Variants in MYT1L observed in about 807,000 individuals in gnomAD.
The protein encoded by MYT1L is myelin transcription factor 1-like protein.
In MYT1L, 12 loss-of-function variants were observed where a neutral mutation model predicts 126.7. That is an observed-to-expected ratio of 0.09 (90% CI 0.06 to 0.15). The LOEUF is 0.15. Among genes scored for constraint, MYT1L ranks in the 10% least tolerant of loss-of-function variants. The pLI is 1.00. For missense variants in MYT1L, 979 were observed against 1,585.2 expected (o/e 0.62, Z 6.49); for synonymous variants, 541 against 604.2 (o/e 0.90, Z 1.53).
chr2:2,235,594 G>C (rs2094276375), intron 2 of MYT1L, among the ~76,000 whole-genome samples: 1 of 152,082 alleles, frequency 6.6e-6, no homozygotes. Context: ...TGTATTTCTT[G>C]GTTCCTCTGG....
At chr2:2,295,579 GAGAGAC>G (rs1250981820) in intron 1 of MYT1L, among the ~76,000 whole-genome samples, 22 of 131,358 alleles carry the variant, frequency 1.7e-4, no homozygotes, top group South Asian at 8.9e-4. Flanking sequence ...GAGAGAGAGA[GAGAGAC>G]AGACAGACAG....
intron 2 of MYT1L, among the ~76,000 whole-genome samples, chr2:2,190,323 C>T (rs939280464): frequency 2.0e-5 from 3 of 151,884 alleles, no homozygotes; most frequent in African/African-American, 7.3e-5. Context: ...CAGGCAGTGG[C>T]ACACGCCTGT....
intron 3 of MYT1L, among the ~76,000 whole-genome samples, chr2:2,162,350 G>GA (rs1254582034): frequency 1.3e-5 from 2 of 151,596 alleles, no homozygotes; most frequent in Non-Finnish European, 2.9e-5. Flanking sequence ...GGTCCACAGA[G>GA]AAAAGGGATC....
intron 1 of MYT1L, among the ~76,000 whole-genome samples, chr2:2,304,998 T>C (rs1006434598): frequency 2.0e-5 from 3 of 152,234 alleles, no homozygotes; most frequent in African/African-American, 7.2e-5. Flanking sequence ...CATAGAAGTA[T>C]AAGATATCTC....
At chr2:2,295,769 GAGAGAGAGAT>G (rs2095681370) in intron 1 of MYT1L, among the ~76,000 whole-genome samples, 2 of 141,576 alleles carry the variant, frequency 1.4e-5, no homozygotes, top group Non-Finnish European at 3.1e-5. Flanking sequence ...CAGACAGACA[GAGAGAGAGAT>G]AGAGAGACAG....
At chr2:1,859,928 A>T (rs561830788) in intron 18 of MYT1L, among the ~76,000 whole-genome samples, 1 of 152,296 alleles carries the variant, frequency 6.6e-6, no homozygotes, top group East Asian at 1.9e-4. Flanking sequence ...TTTTCTGGGG[A>T]TTCTCTCGCT....
intron 1 of MYT1L, among the ~76,000 whole-genome samples, chr2:2,323,617 GAC>G (rs1216014388): frequency 6.6e-6 from 1 of 152,172 alleles, no homozygotes; most frequent in Non-Finnish European, 1.5e-5. Flanking sequence ...TGTCACTGAT[GAC>G]AATAGAAAAT....
rs567971209 is a variant in MYT1L at position 2,136,657 on chromosome 2, T to C, written c.-304+36215A>G. On this transcript the variant is annotated intron_variant, in intron 3 of 24. Coordinates refer to ENST00000647738, the MANE Select transcript of MYT1L (RefSeq NM_001303052.2). ...CTTCAATTTTAGTAAATCCATATTA[T>C]TCTTACTGTTTAGATTTTCTTTCTT... is the stretch of plus-strand genomic sequence containing the variant. Among the ~76,000 whole-genome samples the C allele has an allele frequency of 1.7e-4, 26 of 152,316 alleles. No homozygotes were observed. The South Asian group carries it at 5.4e-3, about 32-fold the overall frequency.
rs145401987 is a variant in MYT1L, at chr2:1,842,887, C to A, written c.2775-2044G>T. On this transcript the variant is annotated intron_variant, in intron 19 of 24. Coordinates refer to ENST00000647738, the MANE Select transcript of MYT1L (RefSeq NM_001303052.2). ...GTCCAGCTTCCGCTTCCAGGCGCTT[C>A]CGCTTCCAGGCGCTTCCGCTTCCAG... 367 of 168,090 alleles carry A rather than the reference C, an allele frequency of 2.2e-3. 11 individuals are homozygous for A. The East Asian group carries it at 0.059, about 27-fold the overall frequency. 10.4% of individuals were successfully genotyped at this position (168,090 alleles called of 1,614,324 possible). A position where few individuals can be genotyped will look rare whatever the true frequency, so the allele number is the denominator to read the frequency against.
intron 3 of MYT1L, among the ~76,000 whole-genome samples, chr2:2,157,376 T>C (rs1034241947): frequency 6.6e-6 from 1 of 152,254 alleles, no homozygotes; most frequent in Non-Finnish European, 1.5e-5. Context: ...AATATGTCCA[T>C]GGACTAGACT....
chr2:2,086,456 A>G (rs1467605188), intron 3 of MYT1L, among the ~76,000 whole-genome samples: 2 of 152,242 alleles, frequency 1.3e-5, no homozygotes, highest in Non-Finnish European at 2.9e-5. Flanking sequence ...AAAAATAGGC[A>G]GTTAATCTCG....
In MYT1L at chr2:2,228,348, A is replaced by G. The variant is rs751546861; in HGVS notation, c.-420-55360T>C. On this transcript the variant is annotated intron_variant, in intron 2 of 24. Coordinates refer to ENST00000647738, the MANE Select transcript of MYT1L (RefSeq NM_001303052.2). This position sits in a 1 kb window ranked among gnomAD's most constrained non-coding sequence, Gnocchi z 5.9. ...TAAAAACCTGTGCAACAGGATTATA[A>G]TAATAATTTAGCTAGCCACATGGTT... Among the ~76,000 whole-genome samples, 78 of 152,224 alleles carry G rather than the reference A, an allele frequency of 5.1e-4. 1 individual carries two copies. Among genetic ancestry groups the G allele is most frequent in the Non-Finnish European group, 1.3e-4 (9 of 68,034 alleles).
At chr2:1,951,245 T>C (rs10190598) in intron 8 of MYT1L, among the ~76,000 whole-genome samples, 45,952 of 151,592 alleles carry the variant, frequency 0.3, 7,590 homozygotes, top group African/African-American at 0.45. Flanking sequence ...GTTGTAGACA[T>C]GGTGGGGAAA....
rs1321851352 is a variant in MYT1L, at chr2:1,793,674, C to T, written c.3277-1210G>A. ...CCAGGATGAAGTGGGGAGGGCCGGC[C>T]TTCTCCTTGGAAGGAATCGCAGCCC... On this transcript the variant is annotated intron_variant, in intron 23 of 24. Coordinates refer to ENST00000647738, the MANE Select transcript of MYT1L (RefSeq NM_001303052.2). The surrounding 1 kb of genome is among the most constrained non-coding windows in gnomAD (Gnocchi z 4.6). 1.8e-4 allele frequency among the ~76,000 whole-genome samples: 27 copies of T among 152,196 alleles called. No homozygotes were observed. The highest frequency in any genetic ancestry group is 1.4e-3 in the Admixed American group (22 of 15,288).
intron 18 of MYT1L, among the ~76,000 whole-genome samples, chr2:1,876,744 G>A (rs554186113): frequency 1.2e-3 from 184 of 152,312 alleles, no homozygotes; most frequent in South Asian, 2.3e-3. Flanking sequence ...GAGAAGCAAC[G>A]TCTCACTCAG....
chr2:1,834,183 G>A (rs1490774840), intron 21 of MYT1L, among the ~76,000 whole-genome samples: 1 of 152,220 alleles, frequency 6.6e-6, no homozygotes, highest in Non-Finnish European at 1.5e-5. Flanking sequence ...TGCTTTGTTT[G>A]CGCAGTGGGT....
At chr2:2,154,681 G>T (rs2086426627) in intron 3 of MYT1L, among the ~76,000 whole-genome samples, 1 of 152,198 alleles carries the variant, frequency 6.6e-6, no homozygotes, top group South Asian at 2.1e-4. Flanking sequence ...CTTCTTGAGG[G>T]TAGAGAGTGA....
At chr2:2,011,892 C>T (rs1195037645) in intron 4 of MYT1L, among the ~76,000 whole-genome samples, 1 of 152,198 alleles carries the variant, frequency 6.6e-6, no homozygotes, top group African/African-American at 2.4e-5. Flanking sequence ...TCACTTGTCA[C>T]TTGCTGTATG....
intron 3 of MYT1L, among the ~76,000 whole-genome samples, chr2:2,071,145 T>C (rs560367623): frequency 5.3e-5 from 8 of 152,332 alleles, no homozygotes; most frequent in Middle Eastern, 3.4e-3. Flanking sequence ...AAAATGTTAA[T>C]ATGTAATAAA....
Sources: allele counts gnomAD v4.1 joint callset (sites outside exome capture counted in the v4.1 genomes callset), GRCh38; gene constraint gnomAD v4.1.1; non-coding constraint Gnocchi (gnomAD v3.1); transcripts MANE v1.5; gene names NCBI Gene and HGNC (gene_info 2026-07-23, HGNC 2026-07-21).